FBXO7: variants seen among roughly 807,000 people sequenced by gnomAD.
FBXO7 encodes F-box protein 7.
FBXO7 carries 31 observed loss-of-function variants against 50.2 expected under a neutral mutation model. That is an observed-to-expected ratio of 0.62 (90% CI 0.46 to 0.83). The LOEUF (loss-of-function observed/expected upper bound fraction) is 0.83. Among genes scored for constraint, FBXO7 ranks in the 40% least tolerant of loss-of-function variants. The pLI, the probability that FBXO7 is intolerant of heterozygous loss-of-function variation, is 0.00. For synonymous variants in FBXO7, 256 were observed against 253.1 expected (o/e 1.01, Z -0.11); for missense variants, 667 against 646.6 (o/e 1.03, Z -0.34).
In FBXO7 at chr22:32,495,487, TTGTAGACAATAC is replaced by T. The variant is rs757789852; in HGVS notation, c.1145-2_1154del. ...TAAATCCTTATTTTTCCCTTTTCCT[TTGTAGACAATAC>T]TGTCAGAGTTCAAGACACAGATTGG... On this transcript the variant is annotated splice_acceptor_variant and splice_polypyrimidine_tract_variant and coding_sequence_variant and intron_variant, in exon 8 of 9. Transcript: ENST00000266087. LOFTEE classifies it high-confidence loss of function. 6.4e-7 allele frequency: 1 copy of T among 1,569,924 alleles called. No individual in the cohort carries two copies. The highest frequency in any genetic ancestry group is 1.1e-5 in the South Asian group (1 of 89,250).
At chr22:32,480,117 G>A (rs1001858924) in intron 2 of FBXO7, among the ~76,000 whole-genome samples, 1 of 152,140 alleles carries the variant, frequency 6.6e-6, no homozygotes, top group South Asian at 2.1e-4. Context: ...GGGTTCCATG[G>A]CTTTATTCCT....
intron 1 of FBXO7, chr22:32,475,674 T>G (rs901529492): frequency 4.4e-6 from 2 of 452,836 alleles, no homozygotes; most frequent in Non-Finnish European, 7.7e-6. Flanking sequence ...GATTCTGTTG[T>G]GTTCATGCGC....
rs191433084 is a variant in FBXO7, at chr22:32,483,577, A to C, written c.418-320A>C. Among the ~76,000 whole-genome samples the C allele has an allele frequency of 4.5e-3, 681 of 152,308 alleles. 3 individuals carry two copies. Among genetic ancestry groups the C allele is most frequent in the Middle Eastern group, 0.027 (8 of 294 alleles). ...GTGCCAATAGAGCAGGAAGGGGCAA[A>C]TTTTAGACATATTTAGGAGTTAGTT... On this transcript the variant is annotated intron_variant, in intron 2 of 8. Coordinates refer to ENST00000266087, the MANE Select transcript of FBXO7 (RefSeq NM_012179.4).
At chr22:32,479,401 C>CTTTCTTTTTTTTTTTTTT (rs2057450043) in intron 2 of FBXO7, 126 bp downstream of exon 2, 1 of 543,022 alleles carries the variant, frequency 1.8e-6, no homozygotes, top group African/African-American at 2.2e-5. Context: ...ATATTTTTTT[C>CTTTCTTTTTTTTTTTTTT]TTTTTTTTTT....
chr22:32,481,928 A>G (rs2057467520), intron 2 of FBXO7, among the ~76,000 whole-genome samples: 1 of 151,698 alleles, frequency 6.6e-6, no homozygotes, highest in Non-Finnish European at 1.5e-5. Flanking sequence ...ATAAATATTC[A>G]TATCAGAATA....
At chr22:32,493,044 T>G in intron 6 of FBXO7, 61 bp from the exon 7 acceptor site, 8 of 1,526,916 alleles carry the variant, frequency 5.2e-6, no homozygotes, top group Non-Finnish European at 6.4e-6. Context: ...GTTGACTATG[T>G]GGAGAAAGCC....
chr22:32,475,741 G>A lies in FBXO7; in HGVS notation c.122+617G>A, dbSNP rs146490706. The A allele has an allele frequency of 2.3e-3, 648 of 276,068 alleles. 4 individuals carry two copies. Among genetic ancestry groups the A allele is most frequent in the African/African-American group, 0.014 (628 of 45,014 alleles). The allele number at this position is 276,068 out of a possible 1,614,324, so 17.1% of individuals were successfully genotyped here. On this transcript the variant is annotated intron_variant, in intron 1 of 8. Coordinates refer to ENST00000266087, the MANE Select transcript of FBXO7 (RefSeq NM_012179.4). Reference sequence around the variant, plus strand: ...GCCGAAAAGTTTTAGAAAGGACAGCGTGTAGGCGTGTTTCAGACCATTTCA... The same window carrying A: ...GCCGAAAAGTTTTAGAAAGGACAGCATGTAGGCGTGTTTCAGACCATTTCA...
chr22:32,475,074 G>A lies in FBXO7; in HGVS notation c.72G>A (p.Gly24=), dbSNP rs2057417279. 1 of 1,546,462 alleles carries A rather than the reference G, an allele frequency of 6.5e-7. No homozygotes were observed. The highest frequency in any genetic ancestry group is 8.7e-7 in the Non-Finnish European group (1 of 1,146,120). The change falls in exon 1 of 9, where the codon GGG becomes GGA. Residue 24 remains glycine, a synonymous_variant. Transcript: ENST00000266087. ...TGCCCGAGACGGAGCCGACGCTGGG[G>A]CATTTGCGCTCGCACCTGAGGCAGT... ...LEVPETEPTL[G]HLRSHLRQSL... is the part of the protein sequence containing the mutation.
At chr22:32,482,855 A>T (rs961313830) in intron 2 of FBXO7, among the ~76,000 whole-genome samples, 4 of 152,232 alleles carry the variant, frequency 2.6e-5, no homozygotes, top group African/African-American at 9.6e-5. Context: ...ACTTGCAGTC[A>T]TGGAAGGATG....
At chr22:32,493,067 C>T (rs2146002589) in intron 6 of FBXO7, 38 bp from the exon 7 acceptor site, 1 of 1,600,272 alleles carries the variant, frequency 6.2e-7, no homozygotes, top group East Asian at 2.2e-5. Flanking sequence ...ATGTTCTTTA[C>T]TCAGTAATAC....
At chr22:32,475,832 G>C (rs1343788382) in intron 1 of FBXO7, 1 of 161,484 alleles carries the variant, frequency 6.2e-6, no homozygotes, top group Non-Finnish European at 1.4e-5. Flanking sequence ...AGAGCTTGCA[G>C]TTTGGGGGCA....
chr22:32,490,825 T>C (rs1423278756), intron 5 of FBXO7: 1 of 437,550 alleles, frequency 2.3e-6, no homozygotes, highest in East Asian at 4.7e-5. Flanking sequence ...CACAAGTCTT[T>C]TCTACAACTG....
intron 1 of FBXO7, chr22:32,475,470 G>C: frequency 3.2e-6 from 5 of 1,577,774 alleles, no homozygotes; most frequent in Non-Finnish European, 4.3e-6. Context: ...TCCACAACTG[G>C]TTAGATTTCA....
chr22:32,495,274 C>A (rs2057565449), intron 7 of FBXO7, among the ~76,000 whole-genome samples: 1 of 152,088 alleles, frequency 6.6e-6, no homozygotes, highest in Admixed American at 6.5e-5. Context: ...TACCATGTAG[C>A]ACAGAGCAGC....
At chr22:32,475,654 A>G (rs2057423354) in intron 1 of FBXO7, 3 of 502,602 alleles carry the variant, frequency 6.0e-6, no homozygotes, top group South Asian at 2.9e-5. Context: ...GTGAAGCGGC[A>G]ACAATTTTAG....
Position 32,475,116 on chromosome 22 carries a change from G to A in FBXO7, c.114G>A (p.Trp38Ter). ...SHLRQSLLCT[W>*]GYSSNTRFTI... ...TGAGGCAGTCCCTGCTGTGCACCTG[G>A]GGGTACAGGTACGCTGGGGCCGGGG... Residue 38 changes from tryptophan to a stop codon, truncating the protein, a stop_gained, in exon 1 of 9, where the codon TGG (tryptophan) becomes TGA (stop). Transcript: ENST00000266087. LOFTEE classifies it high-confidence loss of function. 6.5e-7 allele frequency: 1 copy of A among 1,544,606 alleles called. No individual in the cohort carries two copies. The highest frequency in any genetic ancestry group is 8.7e-7 in the Non-Finnish European group (1 of 1,145,404).
chr22:32,476,096 A>AT (rs2057426749), intron 1 of FBXO7: 1 of 152,070 alleles, frequency 6.6e-6, no homozygotes, highest in African/African-American at 2.4e-5. Context: ...TTTTCACCTT[A>AT]TTTTTAGGGA....
At chr22:32,493,387 A>G in intron 7 of FBXO7, 106 bp downstream of exon 7, 1 of 894,772 alleles carries the variant, frequency 1.1e-6, no homozygotes, top group Non-Finnish European at 1.9e-6. Context: ...AAATGATTAC[A>G]ATAAATAGCC....
At chr22:32,484,184 T>C (rs781083417) in intron 3 of FBXO7, 60 bp downstream of exon 3, 289 of 1,448,634 alleles carry the variant, frequency 2.0e-4, no homozygotes, top group Non-Finnish European at 2.5e-4. Flanking sequence ...GGATGGTTCC[T>C]GCTCTCAAGT....
Sources: gnomAD v4.1 joint callset for allele counts (sites outside exome capture counted in the v4.1 genomes callset) on GRCh38, gnomAD v4.1.1 for gene constraint, MANE v1.5 for transcripts, NCBI Gene and HGNC (gene_info 2026-07-23, HGNC 2026-07-21) for gene names.